STRBP: variants seen among roughly 807,000 people sequenced by gnomAD.
The protein encoded by STRBP is spermatid perinuclear RNA binding protein.
In STRBP, 13 loss-of-function variants were observed where a neutral mutation model predicts 80.1. The observed-to-expected ratio is 0.16, with a 90% CI of 0.11 to 0.26. STRBP has a LOEUF of 0.26. Ranked by LOEUF, STRBP falls within the 10% of genes least tolerant of loss-of-function variation. The pLI is 1.00. For synonymous variants in STRBP, 284 were observed against 291.2 expected (o/e 0.98, Z 0.25); for missense variants, 485 against 815.2 (o/e 0.59, Z 4.93).
chr9:123,120,269 G>C (rs2035709326), downstream of STRBP, among the ~76,000 whole-genome samples: 1 of 151,006 alleles, frequency 6.6e-6, no homozygotes, highest in Non-Finnish European at 1.5e-5. Context: ...GCACAGCATG[G>C]CGTCAGACTG....
intron 2 of STRBP, among the ~76,000 whole-genome samples, chr9:123,197,481 T>C (rs777358946): frequency 2.6e-5 from 4 of 152,046 alleles, no homozygotes; most frequent in Non-Finnish European, 5.9e-5. Flanking sequence ...TGTAGTTTTT[T>C]GTTAATCCCA....
chr9:123,183,026 A>AC (rs1343799684), intron 3 of STRBP, among the ~76,000 whole-genome samples: 2 of 59,468 alleles, frequency 3.4e-5, no homozygotes, highest in African/African-American at 1.3e-4. Flanking sequence ...AAAAAAAAAA[A>AC]AAAAAAAAAA....
intron 1 of STRBP, among the ~76,000 whole-genome samples, chr9:123,264,164 C>T (rs997085944): frequency 1.3e-5 from 2 of 152,172 alleles, no homozygotes; most frequent in African/African-American, 2.4e-5. Flanking sequence ...GGCGACAGAG[C>T]GCCACTGCAT....
At chr9:123,149,348 G>C (rs2036958236) in intron 11 of STRBP, among the ~76,000 whole-genome samples, 2 of 152,184 alleles carry the variant, frequency 1.3e-5, no homozygotes. Context: ...GAGTATGCCA[G>C]TCTCCCAGAA....
At chr9:123,142,917 G>C (rs970657993) in intron 13 of STRBP, among the ~76,000 whole-genome samples, 22 of 152,106 alleles carry the variant, frequency 1.4e-4, no homozygotes, top group Admixed American at 6.5e-5. Flanking sequence ...AAAATGACAA[G>C]ATCACTCATG....
rs563252062 is a variant in STRBP at position 123,265,218 on chromosome 9, G to A, written c.-302+3218C>T. On this transcript the variant is annotated intron_variant, in intron 1 of 18. Transcript: ENST00000348403. ...TTTTTTTTTTAATATTTATATTAACGGATTCCGATTACTTAAAATTTGGTG... is the reference window on the plus strand; with the variant it reads ...TTTTTTTTTTAATATTTATATTAACAGATTCCGATTACTTAAAATTTGGTG... Among the ~76,000 whole-genome samples the A allele has an allele frequency of 2.0e-5, 3 of 151,464 alleles. No homozygotes were observed. The South Asian group carries it at 6.3e-4, about 32-fold the overall frequency.
rs1394344838 is a variant in STRBP, at chr9:123,115,501, T to TCC, written c.*84+426_*84+427dup. 5.1e-6 allele frequency: 2 copies of TCC among 390,602 alleles called. No individual in the cohort carries two copies. Among genetic ancestry groups the TCC allele is most frequent in the East Asian group, 1.5e-4 (2 of 13,602 alleles). 24.2% of individuals were successfully genotyped at this position (390,602 alleles called of 1,614,324 possible). On this transcript the variant is annotated intron_variant and NMD_transcript_variant, in intron 3 of 3. Transcript: ENST00000471564. The surrounding 1 kb of genome is among the most constrained non-coding windows in gnomAD (Gnocchi z 5.0). ...CCTCTTTCTTCCCCTCCCTGTACTC[T>TCC]CCATCTGGGTCAATGATTTCACCTT...
At chr9:123,189,649 A>G (rs1311877684) in intron 2 of STRBP, among the ~76,000 whole-genome samples, 1 of 151,900 alleles carries the variant, frequency 6.6e-6, no homozygotes, top group Admixed American at 6.6e-5. Context: ...TTGAACAATG[A>G]GAACTCTTGG....
intron 4 of STRBP, among the ~76,000 whole-genome samples, chr9:123,177,257 G>GCAT (rs915565632): frequency 1.3e-5 from 2 of 152,102 alleles, no homozygotes; most frequent in Admixed American, 6.6e-5. Context: ...ACAACCAAGA[G>GCAT]CATCCACACA....
intron 14 of STRBP, 119 bp downstream of exon 14, chr9:123,139,410 C>G: frequency 1.2e-6 from 1 of 816,680 alleles, no homozygotes; most frequent in Non-Finnish European, 1.8e-6. Context: ...ATGTCTGTCT[C>G]TGTAATTTAT....
chr9:123,137,245 AAACT>A (rs750708925), intron 14 of STRBP, among the ~76,000 whole-genome samples: 27 of 152,252 alleles, frequency 1.8e-4, no homozygotes, highest in South Asian at 4.1e-4. Flanking sequence ...CATCAAAAGC[AAACT>A]AACAAATAAA....
At chr9:123,267,694 C>G (rs1238001004) in intron 1 of STRBP, among the ~76,000 whole-genome samples, 1 of 149,108 alleles carries the variant, frequency 6.7e-6, no homozygotes, top group Admixed American at 6.7e-5. Context: ...CCTCCTCCAT[C>G]GTTCCCCTTC....
At chr9:123,174,214 T>G (rs1445191197) in intron 4 of STRBP, among the ~76,000 whole-genome samples, 1 of 152,168 alleles carries the variant, frequency 6.6e-6, no homozygotes, top group Non-Finnish European at 1.5e-5. Context: ...GGCAGGAGGA[T>G]CATTTGAGCC....
rs150088537 is a variant in STRBP at position 123,135,637 on chromosome 9, T to C, written c.1773+404A>G. 3.3e-3 allele frequency among the ~76,000 whole-genome samples: 504 copies of C among 152,110 alleles called. 1 individual carries two copies. Among genetic ancestry groups the C allele is most frequent in the African/African-American group, 0.012 (479 of 41,486 alleles). ...AATAAACAATGCAAAAGCACGAAAC[T>C]GCAAAGGAACTGGAAGAGCACCCGC... On this transcript the variant is annotated intron_variant, in intron 16 of 18. Coordinates refer to ENST00000348403, the MANE Select transcript of STRBP (RefSeq NM_018387.5).
At chr9:123,184,940 A>G (rs1422872565) in intron 2 of STRBP, among the ~76,000 whole-genome samples, 3 of 152,176 alleles carry the variant, frequency 2.0e-5, no homozygotes, top group Non-Finnish European at 2.9e-5. Flanking sequence ...CCCTCACCAG[A>G]TTTCCACAGT....
chr9:123,126,305 A>G lies in STRBP; in HGVS notation c.1943-632T>C, dbSNP rs1588444527. On this transcript the variant is annotated intron_variant, in intron 18 of 18. Transcript: ENST00000348403. This position sits in a 1 kb window ranked among gnomAD's most constrained non-coding sequence, Gnocchi z 4.4. ...ACAAAGCAGCAACAGCAGGTATTCA[A>G]GAGCACCAGATGATCAGAGGGAAAT... Among the ~76,000 whole-genome samples the G allele has an allele frequency of 1.3e-5, 2 of 152,270 alleles. No individual in the cohort carries two copies. The highest frequency in any genetic ancestry group is 4.1e-4 in the South Asian group (2 of 4,836).
chr9:123,147,845 C>T lies in STRBP; in HGVS notation c.1071G>A (p.Arg357=), dbSNP rs370070810. 39 of 1,612,564 alleles carry T rather than the reference C, an allele frequency of 2.4e-5. No homozygotes were observed. Among genetic ancestry groups the T allele is most frequent in the Non-Finnish European group, 3.1e-5 (37 of 1,179,468 alleles). Residue 357 remains arginine (R), a synonymous_variant, in exon 12 of 19, where the codon AGG becomes AGA. Transcript: ENST00000348403. ...CATCCCCTAATCCATCTTCAAATGG[C>T]CTCTTTAGAGCTGAAGACCCAGCAC... ...KEGAGSSALK[R]PFEDGLGDDK...
At chr9:123,171,356 A>C (rs1471371201) in intron 5 of STRBP, among the ~76,000 whole-genome samples, 3 of 152,152 alleles carry the variant, frequency 2.0e-5, no homozygotes, top group African/African-American at 7.2e-5. Context: ...CAGCTAACTA[A>C]CGTACTTAGA....
intron 17 of STRBP, among the ~76,000 whole-genome samples, chr9:123,131,654 C>G (rs995589437): frequency 6.6e-6 from 1 of 152,296 alleles, no homozygotes; most frequent in African/African-American, 2.4e-5. Context: ...GCAGCATGTC[C>G]TTCTTTTTCA....
Sources: gnomAD v4.1 joint callset for allele counts (sites outside exome capture counted in the v4.1 genomes callset) on GRCh38, gnomAD v4.1.1 for gene constraint, Gnocchi (gnomAD v3.1) non-coding constraint, MANE v1.5 for transcripts, NCBI Gene and HGNC (gene_info 2026-07-23, HGNC 2026-07-21) for gene names.